VPS39: variants seen among roughly 807,000 people sequenced by gnomAD.
VPS39 encodes the protein VPS39 subunit of HOPS complex.
Under a neutral mutation model 121.0 loss-of-function variants are expected in VPS39, and 70 were observed. The ratio of observed to expected loss-of-function variants is 0.58; its 90% CI spans 0.48 to 0.71. The LOEUF (loss-of-function observed/expected upper bound fraction) is 0.71. VPS39 is among the 30% of genes least tolerant of loss of function. VPS39 has a pLI of 0.00. For missense variants in VPS39, 818 were observed against 1,051.5 expected (o/e 0.78, Z 3.07); for synonymous variants, 378 against 398.1 (o/e 0.95, Z 0.60).
intron 11 of VPS39, among the ~76,000 whole-genome samples, chr15:42,173,020 TATAG>T (rs1476478857): frequency 2.4e-4 from 36 of 152,164 alleles, no homozygotes; most frequent in Non-Finnish European, 1.5e-5. Context: ...TCCAAGTATA[TATAG>T]ATAGATTGAT....
Position 42,208,153 on chromosome 15 carries a change from TGGC to T in VPS39, c.-3_-1del. Reference sequence around the variant, plus strand: ...GGCACTGGCTCGAAAGCGTCGTGCATGGCGGCAAGGGGAGAGTTGCCACCGCCG... The same window carrying T: ...GGCACTGGCTCGAAAGCGTCGTGCATGGCAAGGGGAGAGTTGCCACCGCCG... On this transcript the variant is annotated 5_prime_UTR_variant, in exon 1 of 25. Transcript: ENST00000318006. The T allele has an allele frequency of 6.4e-7, 1 of 1,570,660 alleles. No individual in the cohort carries two copies.
Position 42,187,338 on chromosome 15 carries a change from G to C in VPS39, c.467C>G (p.Pro156Arg), listed in dbSNP as rs1157943678. 1 of 1,612,012 alleles carries C rather than the reference G, an allele frequency of 6.2e-7. No homozygotes were observed. Among genetic ancestry groups the C allele is most frequent in the African/African-American group, 1.3e-5 (1 of 74,724 alleles). Residue 156 changes from proline (P) to arginine (R), a missense_variant, in exon 7 of 25, where the codon CCC becomes CGC. Coordinates refer to ENST00000318006, the MANE Select transcript of VPS39 (RefSeq NM_015289.5). ...LQGDFSVPDV[P>R]KSMAWCENSI... Reference sequence around the variant, plus strand: ...ATTTTCACACCACGCCATGGACTTGGGCACATCTGGCACACTAAAGTCCCC... The same window carrying C: ...ATTTTCACACCACGCCATGGACTTGCGCACATCTGGCACACTAAAGTCCCC...
chr15:42,184,531 ATG>A lies in VPS39; in HGVS notation c.702_703del (p.Ile235ThrfsTer20). 1 of 1,608,292 alleles carries A rather than the reference ATG, an allele frequency of 6.2e-7. No homozygotes were observed. Among genetic ancestry groups the A allele is most frequent in the Non-Finnish European group, 8.5e-7 (1 of 1,178,132 alleles). On this transcript the variant is annotated frameshift_variant, in exon 8 of 25. Transcript: ENST00000318006. LOFTEE classifies it high-confidence loss of function. ...GTTGGTCTCACCCATGGCCACTGGT[ATG>A]TCCGTCCAGTTCAGGGCACATTTCT...
At chr15:42,188,055 C>G (rs1227545544) in intron 5 of VPS39, among the ~76,000 whole-genome samples, 199 bp from the exon 6 acceptor site, 1 of 152,266 alleles carries the variant, frequency 6.6e-6, no homozygotes, top group South Asian at 2.1e-4. Context: ...CACTTCCTCC[C>G]GAAGGGTTGC....
intron 2 of VPS39, chr15:42,199,592 T>C (rs1235776870): frequency 2.1e-6 from 1 of 474,150 alleles, no homozygotes. Context: ...TTATTATTGG[T>C]AGTGAGTCTC....
intron 8 of VPS39, among the ~76,000 whole-genome samples, chr15:42,179,634 T>TA (rs199693111): frequency 4.6e-3 from 642 of 139,716 alleles, no homozygotes; most frequent in Middle Eastern, 0.014. Context: ...AAATAAAAAA[T>TA]AAAAAAAAAA....
intron 8 of VPS39, among the ~76,000 whole-genome samples, chr15:42,179,661 G>A (rs983843753): frequency 1.3e-5 from 2 of 150,924 alleles, no homozygotes; most frequent in Admixed American, 6.6e-5. Context: ...AAAAAGAAAG[G>A]TAGGGGGAAG....
At chr15:42,190,907 A>C (rs1324931714) in intron 4 of VPS39, among the ~76,000 whole-genome samples, 4 of 152,232 alleles carry the variant, frequency 2.6e-5, no homozygotes, top group African/African-American at 9.6e-5. Context: ...ATATTTGATC[A>C]ATGAACGAAT....
In VPS39 at chr15:42,166,147, C is replaced by G; in HGVS notation, c.1680+12G>C. The G allele has an allele frequency of 1.2e-6, 2 of 1,613,424 alleles. No individual in the cohort carries two copies. Among genetic ancestry groups the G allele is most frequent in the Non-Finnish European group, 1.7e-6 (2 of 1,179,352 alleles). The stretch of plus-strand genomic sequence containing the variant: ...GTTTACCAGATAAATCCAAGGGACT[C>G]CTGTGGCTCACCTTCAGGCCATCTT... On this transcript the variant is annotated intron_variant, in intron 16 of 24. Transcript: ENST00000318006.
chr15:42,165,777 G>A lies in VPS39; in HGVS notation c.1720C>T (p.Arg574Cys), dbSNP rs191703716. Residue 574 changes from arginine (R) to cysteine (C), a missense_variant, in exon 17 of 25, where the codon CGT becomes TGT. Coordinates refer to ENST00000318006, the MANE Select transcript of VPS39 (RefSeq NM_015289.5). ...ATTAAGAAGCCGAGGACTCGATCAC[G>A]TGGCAGAGACTCCACTTCCGGGAGA... Reference protein sequence around the residue: ...EDLPEVESLPRDRVLGFLIEN... With the variant: ...EDLPEVESLPCDRVLGFLIEN... The A allele has an allele frequency of 1.3e-5, 21 of 1,614,168 alleles. No homozygotes were observed. Among genetic ancestry groups the A allele is most frequent in the Non-Finnish European group, 1.6e-5 (19 of 1,180,010 alleles).
chr15:42,200,466 C>T (rs1232268232), intron 1 of VPS39, among the ~76,000 whole-genome samples: 3 of 152,132 alleles, frequency 2.0e-5, no homozygotes, highest in East Asian at 1.9e-4. Context: ...CCTTTAAATG[C>T]TTTTACTTTC....
chr15:42,168,543 CTTTT>C (rs773910224), intron 12 of VPS39, among the ~76,000 whole-genome samples: 5 of 136,730 alleles, frequency 3.7e-5, no homozygotes, highest in Admixed American at 1.5e-4. Flanking sequence ...AATACTTCTT[CTTTT>C]TTTTTTTTTT....
At chr15:42,194,179 A>T (rs1363303767) in intron 2 of VPS39, among the ~76,000 whole-genome samples, 1 of 152,068 alleles carries the variant, frequency 6.6e-6, no homozygotes, top group Admixed American at 6.6e-5. Context: ...AACAAAAACA[A>T]ACTGGCCAGG....
intron 2 of VPS39, among the ~76,000 whole-genome samples, chr15:42,197,319 G>C (rs570344723): frequency 2.2e-5 from 3 of 137,692 alleles, no homozygotes; most frequent in East Asian, 2.1e-4. Context: ...AGAACTTAAA[G>C]TATAATTAAA....
intron 2 of VPS39, among the ~76,000 whole-genome samples, chr15:42,196,243 T>C (rs547496056): frequency 3.9e-5 from 6 of 152,082 alleles, no homozygotes; most frequent in African/African-American, 1.4e-4. Flanking sequence ...GGCAATACCA[T>C]TCAGGACACA....
chr15:42,165,663 G>A (rs2049227348), intron 17 of VPS39, 55 bp downstream of exon 17: 15 of 1,404,060 alleles, frequency 1.1e-5, no homozygotes, highest in African/African-American at 5.7e-5. Flanking sequence ...ACAGAACCAC[G>A]CAGTCCTGGA....
chr15:42,174,925 G>A (rs2140853421), intron 10 of VPS39, among the ~76,000 whole-genome samples: 1 of 152,088 alleles, frequency 6.6e-6, no homozygotes, highest in East Asian at 1.9e-4. Context: ...AGTGAGCCAA[G>A]ATCACGCCAC....
At chr15:42,192,715 C>T (rs943285395) in intron 2 of VPS39, among the ~76,000 whole-genome samples, 2 of 152,168 alleles carry the variant, frequency 1.3e-5, no homozygotes, top group Non-Finnish European at 2.9e-5. Flanking sequence ...TCAGACACTT[C>T]CTACACTTGA....
intron 2 of VPS39, among the ~76,000 whole-genome samples, chr15:42,194,230 C>G (rs956483748): frequency 6.6e-5 from 10 of 151,788 alleles, no homozygotes; most frequent in Non-Finnish European, 1.3e-4. Flanking sequence ...TTTGGGAGGC[C>G]GAGAAACCTC....
Sources: allele counts gnomAD v4.1 joint callset (sites outside exome capture counted in the v4.1 genomes callset), GRCh38; gene constraint gnomAD v4.1.1; transcripts MANE v1.5; gene names NCBI Gene and HGNC (gene_info 2026-07-23, HGNC 2026-07-21).